The following MALSU1 variants were observed in gnomAD, a reference collection of about 807,000 sequenced individuals.
MALSU1 encodes mitochondrial assembly of ribosomal large subunit 1.
MALSU1 carries 22 observed loss-of-function variants against 22.1 expected under a neutral mutation model. The ratio of observed to expected loss-of-function variants is 1.00; its 90% CI spans 0.71 to 1.42. The LOEUF (loss-of-function observed/expected upper bound fraction) is 1.42, where lower values mean the gene tolerates loss of function less well. Among genes scored for constraint, MALSU1 ranks in the 40% most tolerant of loss-of-function variants. The pLI, the probability that MALSU1 is intolerant of heterozygous loss-of-function variation, is 0.00. For missense variants in MALSU1, 379 were observed against 308.3 expected, an observed-to-expected ratio of 1.23 and a Z score of -1.72; for synonymous variants, 153 against 118.5, an observed-to-expected ratio of 1.29 and a Z score of -1.89.
chr7:23,303,013 C>T (rs534011859), intron 2 of MALSU1, among the ~76,000 whole-genome samples: 9 of 152,180 alleles, frequency 5.9e-5, no homozygotes, highest in Admixed American at 3.3e-4. Flanking sequence ...CTGACCACCT[C>T]GGCCTCCCAA....
intron 3 of MALSU1, 30 bp downstream of exon 3, chr7:23,307,979 A>C (rs1372983500): frequency 2.1e-6 from 3 of 1,421,958 alleles, no homozygotes; most frequent in Admixed American, 3.4e-5. Flanking sequence ...TTTACAGGTA[A>C]CTGTTGGTAC....
At chr7:23,305,126 T>C (rs1002484437) in intron 2 of MALSU1, among the ~76,000 whole-genome samples, 1 of 152,228 alleles carries the variant, frequency 6.6e-6, no homozygotes, top group African/African-American at 2.4e-5. Flanking sequence ...GGACATTTCC[T>C]CAGCAACGTT....
intron 2 of MALSU1, among the ~76,000 whole-genome samples, chr7:23,306,438 T>C (rs1783723711): frequency 6.6e-6 from 1 of 152,022 alleles, no homozygotes; most frequent in African/African-American, 2.4e-5. Context: ...CCTTTTTTTT[T>C]TTTATTGACG....
In MALSU1 at chr7:23,310,206, A is replaced by C. The variant is rs901401697; in HGVS notation, c.*663A>C. On this transcript the variant is annotated 3_prime_UTR_variant, in exon 4 of 4. Coordinates refer to ENST00000466681, the MANE Select transcript of MALSU1 (RefSeq NM_138446.2). ...CAAAAATAAAACATACTACACAACA[A>C]GCTGCACCTAAATGATGAAAAAATT... 1 of 152,212 alleles carries C rather than the reference A, an allele frequency of 6.6e-6. No homozygotes were observed. The highest frequency in any genetic ancestry group is 2.4e-5 in the African/African-American group (1 of 41,456). The allele number at this position is 152,212 out of a possible 1,614,324, so 9.4% of individuals were successfully genotyped here. A position where few individuals can be genotyped will look rare whatever the true frequency, so the allele number is the denominator to read the frequency against.
intron 2 of MALSU1, among the ~76,000 whole-genome samples, chr7:23,306,106 A>C (rs1783718782): frequency 6.6e-6 from 1 of 152,182 alleles, no homozygotes; most frequent in South Asian, 2.1e-4. Context: ...AGGCAGGAGA[A>C]TCGCTTGAAC....
Position 23,299,441 on chromosome 7 carries a change from C to T in MALSU1, c.89C>T (p.Ala30Val). 6.2e-7 allele frequency: 1 copy of T among 1,605,464 alleles called. No homozygotes were observed. The highest frequency in any genetic ancestry group is 1.1e-5 in the South Asian group (1 of 90,828). The change falls in exon 1 of 4, where the codon GCC (alanine) becomes GTC (valine). Residue 30 changes from alanine to valine, a missense_variant. Coordinates refer to ENST00000466681, the MANE Select transcript of MALSU1 (RefSeq NM_138446.2). ...VSSVAGSAVG[A>V]EPGLRLLAVQ... The stretch of plus-strand genomic sequence containing the variant: ...TCGGTGGCGGGGTCCGCGGTTGGAG[C>T]CGAGCCCGGGCTTCGGCTGCTGGCC...
chr7:23,301,967 CAAAA>C (rs754165826), intron 2 of MALSU1, among the ~76,000 whole-genome samples: 2 of 97,824 alleles, frequency 2.0e-5, no homozygotes, highest in African/African-American at 3.5e-5. Flanking sequence ...GACTCTGTCT[CAAAA>C]AAAAAAAAAA....
At chr7:23,305,423 G>A (rs1303246484) in intron 2 of MALSU1, among the ~76,000 whole-genome samples, 1 of 146,234 alleles carries the variant, frequency 6.8e-6, no homozygotes, top group Non-Finnish European at 1.5e-5. Flanking sequence ...ATGGAGTTTC[G>A]CTTTTGTTGC....
At chr7:23,301,794 T>G (rs1240254362) in intron 2 of MALSU1, among the ~76,000 whole-genome samples, 1 of 151,990 alleles carries the variant, frequency 6.6e-6, no homozygotes, top group Non-Finnish European at 1.5e-5. Context: ...CATGGTGAAA[T>G]GCCGTCTTTA....
At position 23,301,228 on chromosome 7, in the gene MALSU1, A is replaced by G. The variant is rs1450347047; in HGVS notation, c.435+211A>G. ...AGCCCTATTGAGTTAGGATATATCA[A>G]AATCTTTTCTCTTGTGACCGCAAGG... On this transcript the variant is annotated intron_variant, in intron 2 of 3. Transcript: ENST00000466681. The G allele has an allele frequency of 1.2e-5, 5 of 422,482 alleles. No homozygotes were observed. In the Admixed American group the frequency reaches 2.0e-4, roughly 17 times the overall value. 26.2% of individuals were successfully genotyped at this position (422,482 alleles called of 1,614,324 possible). A position where few individuals can be genotyped will look rare whatever the true frequency, so the allele number is the denominator to read the frequency against.
chr7:23,309,354 A>G lies in MALSU1; in HGVS notation c.518-2A>G, dbSNP rs755111964. 6.2e-7 allele frequency: 1 copy of G among 1,607,298 alleles called. No individual in the cohort carries two copies. The highest frequency in any genetic ancestry group is 8.5e-7 in the Non-Finnish European group (1 of 1,177,680). On this transcript the variant is annotated splice_acceptor_variant, in intron 3 of 3. Transcript: ENST00000466681. LOFTEE classifies it high-confidence loss of function. The stretch of plus-strand genomic sequence containing the variant: ...ATTGTATCTCTTATCTGTCCCTGAC[A>G]GGCAGCATGGTGATTCATTTGATGC...
chr7:23,302,760 A>G (rs1045978629), intron 2 of MALSU1, among the ~76,000 whole-genome samples: 4 of 152,212 alleles, frequency 2.6e-5, no homozygotes, highest in African/African-American at 9.7e-5. Flanking sequence ...TAAAATATAT[A>G]TAACGTAAAA....
In MALSU1 at chr7:23,311,105, T is replaced by G. The variant is rs1783814938; in HGVS notation, c.*1562T>G. ...TCCTGTTATACTTTACTACTTAAGG[T>G]GGAGTCTAATTTTTTTTTTTTAATT... On this transcript the variant is annotated 3_prime_UTR_variant, in exon 4 of 4. Transcript: ENST00000466681. 6.6e-6 allele frequency: 1 copy of G among 152,104 alleles called. No individual in the cohort carries two copies. The highest frequency in any genetic ancestry group is 1.5e-5 in the Non-Finnish European group (1 of 68,024). The allele number at this position is 152,104 out of a possible 1,614,324, so 9.4% of individuals were successfully genotyped here.
In MALSU1 at chr7:23,311,090, C is replaced by G. The variant is rs1783814533; in HGVS notation, c.*1547C>G. 1 of 151,840 alleles carries G rather than the reference C, an allele frequency of 6.6e-6. No individual in the cohort carries two copies. Among genetic ancestry groups the G allele is most frequent in the Non-Finnish European group, 1.5e-5 (1 of 67,968 alleles). The allele number at this position is 151,840 out of a possible 1,614,324, so 9.4% of individuals were successfully genotyped here. ...CACAGTATACAGAAATCCTGTTATA[C>G]TTTACTACTTAAGGTGGAGTCTAAT... is the stretch of plus-strand genomic sequence containing the variant. On this transcript the variant is annotated 3_prime_UTR_variant, in exon 4 of 4. Coordinates refer to ENST00000466681, the MANE Select transcript of MALSU1 (RefSeq NM_138446.2).
At position 23,307,227 on chromosome 7, in the gene MALSU1, T is replaced by G. The variant is rs143048078; in HGVS notation, c.436-641T>G. 2.0e-3 allele frequency among the ~76,000 whole-genome samples: 308 copies of G among 152,320 alleles called. 2 individuals are homozygous for G. Among genetic ancestry groups the G allele is most frequent in the African/African-American group, 7.2e-3 (298 of 41,568 alleles). ...TCTTTCATTTCAGATTTTAGTTGTC[T>G]TTTTTCTTAGTCATTCTAAGAACCA... On this transcript the variant is annotated intron_variant, in intron 2 of 3. Coordinates refer to ENST00000466681, the MANE Select transcript of MALSU1 (RefSeq NM_138446.2).
chr7:23,307,775 A>AC, intron 2 of MALSU1, 93 bp from the exon 3 acceptor site: 1 of 803,156 alleles, frequency 1.2e-6, no homozygotes. Flanking sequence ...AAGATTAAAA[A>AC]AAACAAACAA....
rs1223113364 is a variant in MALSU1, at chr7:23,310,487, T to C, written c.*944T>C. The C allele has an allele frequency of 1.3e-5, 2 of 152,044 alleles. No homozygotes were observed. Among genetic ancestry groups the C allele is most frequent in the Non-Finnish European group, 2.9e-5 (2 of 68,014 alleles). The allele number at this position is 152,044 out of a possible 1,614,324, so 9.4% of individuals were successfully genotyped here. ...ATGTGTATATTTTTAAAAAATCAAA[T>C]ATTGGGGAAAAAAATCAAATACTGA... On this transcript the variant is annotated 3_prime_UTR_variant, in exon 4 of 4. Coordinates refer to ENST00000466681, the MANE Select transcript of MALSU1 (RefSeq NM_138446.2).
At chr7:23,305,067 T>C (rs1050038845) in intron 2 of MALSU1, among the ~76,000 whole-genome samples, 1 of 152,234 alleles carries the variant, frequency 6.6e-6, no homozygotes, top group African/African-American at 2.4e-5. Context: ...CCTGTTTAGA[T>C]ATTTAACCCA....
At chr7:23,300,712 G>A (rs914991272) in intron 1 of MALSU1, 127 bp from the exon 2 acceptor site, 6 of 771,792 alleles carry the variant, frequency 7.8e-6, no homozygotes, top group African/African-American at 1.7e-5. Flanking sequence ...CCTTTACCCT[G>A]CTATCTGTAA....
Sources: gnomAD v4.1 joint callset for allele counts (sites outside exome capture counted in the v4.1 genomes callset) on GRCh38, gnomAD v4.1.1 for gene constraint, MANE v1.5 for transcripts, NCBI Gene and HGNC (gene_info 2026-07-23, HGNC 2026-07-21) for gene names.